BGN: variants seen among roughly 807,000 people sequenced by gnomAD.
BGN encodes the protein bone/cartilage proteoglycan-I.
Under a neutral mutation model 20.0 loss-of-function variants are expected in BGN, and 6 were observed. That is an observed-to-expected ratio of 0.30 (90% CI 0.16 to 0.59). The LOEUF (loss-of-function observed/expected upper bound fraction) is 0.59, where lower values mean the gene tolerates loss of function less well. BGN is among the 20% of genes least tolerant of loss of function. BGN has a pLI of 0.88. For missense variants in BGN, 292 were observed against 312.1 expected, an observed-to-expected ratio of 0.94 and a Z score of 0.49; for synonymous variants, 146 against 134.6, an observed-to-expected ratio of 1.08 and a Z score of -0.59.
chrX:153,497,597 G>A (rs1393641186), intron 1 of BGN, among the ~76,000 whole-genome samples: 2 of 112,257 alleles, frequency 1.8e-5, no homozygotes, highest in Non-Finnish European at 3.8e-5. Context: ...GAGGGCGCAT[G>A]GCTCAGTCCT....
At chrX:153,507,265 C>G in intron 7 of BGN, 80 bp downstream of exon 7, 1 of 1,086,792 alleles carries the variant, frequency 9.2e-7, no homozygotes, top group Non-Finnish European at 1.2e-6. Context: ...GTCCCTCAGT[C>G]CCCTGGCCCT....
chrX:153,501,003 T>A (rs1173235410), intron 1 of BGN, among the ~76,000 whole-genome samples: 1 of 112,090 alleles, frequency 8.9e-6, no homozygotes, highest in Non-Finnish European at 1.9e-5. Flanking sequence ...TGTGTGTACA[T>A]GTGTGTATAG....
chrX:153,508,888 T>A lies in BGN; in HGVS notation c.*443T>A. The A allele has an allele frequency of 6.2e-6, 1 of 160,416 alleles. No individual in the cohort carries two copies. The highest frequency in any genetic ancestry group is 1.2e-5 in the Non-Finnish European group (1 of 84,603). 13.2% of individuals were successfully genotyped at this position (160,416 alleles called of 1,213,427 possible). ...ACACATGTTCTGTTCCTCCTCCTCA[T>A]GCATTTCCAGCCTTTCAACCCTCCC... On this transcript the variant is annotated 3_prime_UTR_variant, in exon 8 of 8. Coordinates refer to ENST00000331595, the MANE Select transcript of BGN (RefSeq NM_001711.6).
At chrX:153,502,028 C>T (rs933309055) in intron 1 of BGN, among the ~76,000 whole-genome samples, 19 of 112,730 alleles carry the variant, frequency 1.7e-4, no homozygotes, top group African/African-American at 6.1e-4. Flanking sequence ...GTGCCCCCTG[C>T]CCTGGTGGAG....
Position 153,507,040 on chromosome X carries a change from C to G in BGN, c.771-7C>G. 1 of 1,210,416 alleles carries G rather than the reference C, an allele frequency of 8.3e-7. No homozygotes were observed. Among genetic ancestry groups the G allele is most frequent in the South Asian group, 1.8e-5 (1 of 56,882 alleles). ...CCTTTGAGTCCGTGTCATTCTCCCGCTCACAGGCTGGGCCTAGGCCACAAC... is the reference window on the plus strand; with the variant it reads ...CCTTTGAGTCCGTGTCATTCTCCCGGTCACAGGCTGGGCCTAGGCCACAAC... On this transcript the variant is annotated splice_polypyrimidine_tract_variant and splice_region_variant and intron_variant, in intron 6 of 7. Coordinates refer to ENST00000331595, the MANE Select transcript of BGN (RefSeq NM_001711.6).
intron 1 of BGN, among the ~76,000 whole-genome samples, chrX:153,497,825 C>T (rs781829896): frequency 8.9e-6 from 1 of 112,269 alleles, no homozygotes; most frequent in South Asian, 3.7e-4. Context: ...CCAGAAGCCC[C>T]TTCTGGGACT....
chrX:153,507,982 T>G (rs2089815221), intron 7 of BGN, among the ~76,000 whole-genome samples: 3 of 112,136 alleles, frequency 2.7e-5, no homozygotes, highest in Non-Finnish European at 5.7e-5. Context: ...CAAACACACC[T>G]CTACCCCAGC....
chrX:153,508,544 C>A lies in BGN; in HGVS notation c.*99C>A. The A allele has an allele frequency of 1.0e-6, 1 of 984,227 alleles. No homozygotes were observed. 81.1% of individuals were successfully genotyped at this position (984,227 alleles called of 1,213,427 possible). On this transcript the variant is annotated 3_prime_UTR_variant, in exon 8 of 8. Transcript: ENST00000331595. ...AGAGCCAGGAAGCTAAGCCAGGGCC[C>A]AGCTGCGTCCAACCCAGCCCCCCAC... is the stretch of plus-strand genomic sequence containing the variant.
intron 1 of BGN, chrX:153,495,587 G>A (rs964784852): frequency 8.9e-6 from 1 of 111,835 alleles, no homozygotes; most frequent in African/African-American, 3.3e-5. Flanking sequence ...GCCCGGGTTG[G>A]GTCGGATCGG....
At chrX:153,506,132 G>C in intron 4 of BGN, 56 bp downstream of exon 4, 1 of 1,065,941 alleles carries the variant, frequency 9.4e-7, no homozygotes, top group East Asian at 3.1e-5. Flanking sequence ...CATGGGGAAG[G>C]GAGACCAAGG....
At chrX:153,502,932 C>G (rs782672359) in intron 1 of BGN, among the ~76,000 whole-genome samples, 1 of 112,572 alleles carries the variant, frequency 8.9e-6, no homozygotes, top group South Asian at 3.7e-4. Context: ...CCTCTGTCCA[C>G]AGGTGTGGGA....
rs1556993037 is a variant in BGN at position 153,506,004 on chromosome X, C to T, written c.493C>T (p.Arg165Cys). ...CCTACCCAGCTCCCTGGTGGAGCTC[C>T]GCATCCACGACAACCGCATCCGCAA... Reference protein sequence around the residue: ...PNLPSSLVELRIHDNRIRKVP... With the variant: ...PNLPSSLVELCIHDNRIRKVP... Residue 165 changes from arginine to cysteine, a missense_variant, in exon 4 of 8, where the codon CGC becomes TGC. Physicochemically the swap from Arg to Cys is radical, Grantham distance 180. Coordinates refer to ENST00000331595, the MANE Select transcript of BGN (RefSeq NM_001711.6). The T allele has an allele frequency of 4.1e-6, 5 of 1,211,827 alleles. No individual in the cohort carries two copies. Among genetic ancestry groups the T allele is most frequent in the Non-Finnish European group, 2.2e-6 (2 of 895,482 alleles).
At chrX:153,501,153 C>CGT (rs1242092919) in intron 1 of BGN, among the ~76,000 whole-genome samples, 3 of 106,289 alleles carry the variant, frequency 2.8e-5, no homozygotes, top group African/African-American at 1.0e-4. Context: ...TGCGTGTGCA[C>CGT]GTGTGTGTAT....
chrX:153,508,400 C>T lies in BGN; in HGVS notation c.1062C>T (p.Cys354=), dbSNP rs782377238. ...AGGTGCAGCCGGCCACTTTCCGCTG[C>T]GTCACTGACCGCCTGGCCATCCAGT... ...YWEVQPATFR[C]VTDRLAIQFG... The change falls in exon 8 of 8, where the codon TGC becomes TGT. Residue 354 remains cysteine, a synonymous_variant. Transcript: ENST00000331595. 4.1e-6 allele frequency: 5 copies of T among 1,210,960 alleles called. No individual in the cohort carries two copies. The highest frequency in any genetic ancestry group is 1.7e-5 in the African/African-American group (1 of 57,482).
At chrX:153,500,043 C>G (rs2089745865) in intron 1 of BGN, among the ~76,000 whole-genome samples, 2 of 113,443 alleles carry the variant, frequency 1.8e-5, no homozygotes. Context: ...GCCACACCAT[C>G]TGCAGGCGAG....
At chrX:153,500,788 TGC>T (rs782727970) in intron 1 of BGN, among the ~76,000 whole-genome samples, 1 of 111,342 alleles carries the variant, frequency 9.0e-6, no homozygotes, top group Non-Finnish European at 1.9e-5. Context: ...TGCATGTGTG[TGC>T]ATGTGTGTAT....
chrX:153,508,755 T>G lies in BGN; in HGVS notation c.*310T>G. The G allele has an allele frequency of 2.8e-6, 1 of 352,078 alleles. No individual in the cohort carries two copies. Among genetic ancestry groups the G allele is most frequent in the Non-Finnish European group, 5.0e-6 (1 of 199,634 alleles). The allele number at this position is 352,078 out of a possible 1,213,427, so 29.0% of individuals were successfully genotyped here. On this transcript the variant is annotated 3_prime_UTR_variant, in exon 8 of 8. Coordinates refer to ENST00000331595, the MANE Select transcript of BGN (RefSeq NM_001711.6). ...TTTCTCGTTCACTCCCAAACCCAAG[T>G]GTCCAAGGCTCCAGTCCTAGGAGAA...
At chrX:153,499,956 G>A (rs940842388) in intron 1 of BGN, among the ~76,000 whole-genome samples, 8 of 113,339 alleles carry the variant, frequency 7.1e-5, no homozygotes, top group Non-Finnish European at 1.5e-4. Flanking sequence ...AGTTCAGGTC[G>A]GGTTGCTCAG....
At chrX:153,505,021 G>A in intron 2 of BGN, 152 bp downstream of exon 2, 1 of 665,169 alleles carries the variant, frequency 1.5e-6, no homozygotes, top group Non-Finnish European at 2.3e-6. Flanking sequence ...TGTGAGCTGT[G>A]CAGTTTGTGC....
Sources: allele counts gnomAD v4.1 joint callset (sites outside exome capture counted in the v4.1 genomes callset), GRCh38; gene constraint gnomAD v4.1.1; transcripts MANE v1.5; gene names NCBI Gene and HGNC (gene_info 2026-07-23, HGNC 2026-07-21).